POLE: variants seen among roughly 807,000 people sequenced by gnomAD.
POLE encodes the protein DNA polymerase epsilon, catalytic subunit.
POLE carries 188 observed loss-of-function variants against 279.2 expected under a neutral mutation model. The observed-to-expected ratio is 0.67, with a 90% CI of 0.60 to 0.76. The LOEUF is 0.76. Ranked by LOEUF, POLE falls within the 30% of genes least tolerant of loss-of-function variation. POLE has a pLI of 0.00. For missense variants in POLE, 2,703 were observed against 3,016.7 expected (o/e 0.90, Z 2.44); for synonymous variants, 1,214 against 1,172.5 (o/e 1.04, Z -0.72).
In POLE at chr12:132,643,279, A is replaced by C. The variant is rs2042196299; in HGVS notation, c.4496T>G (p.Leu1499Arg). Residue 1499 changes from leucine (L) to arginine (R), a missense_variant, in exon 35 of 49, where the codon CTC becomes CGC. Around this residue, in one of 5 missense-constraint regions of POLE, gnomAD observed 1,551 missense variants for 1,686.1 expected, o/e 0.92. Transcript: ENST00000320574. ...LYHHAQAHKA[L>R]FGIFIPSQRR... is the part of the protein sequence containing the mutation. ...CTGTGAGGGGATGAAGATCCCGAAG[A>C]GCGCTTTGTGGGCCTGTGCGTGGTG... 1.2e-6 allele frequency: 2 copies of C among 1,613,946 alleles called. No individual in the cohort carries two copies. The highest frequency in any genetic ancestry group is 4.5e-5 in the East Asian group (2 of 44,884).
At chr12:132,683,658 A>T (rs1330421913) in intron 1 of POLE, among the ~76,000 whole-genome samples, 1 of 152,266 alleles carries the variant, frequency 6.6e-6, no homozygotes, top group African/African-American at 2.4e-5. Flanking sequence ...CCAGATCTTT[A>T]TCAAAATCAA....
intron 29 of POLE, among the ~76,000 whole-genome samples, chr12:132,653,095 A>T (rs1464233898): frequency 6.6e-6 from 1 of 152,194 alleles, no homozygotes; most frequent in African/African-American, 2.4e-5. Flanking sequence ...AAAGTTGTGT[A>T]TAGGCCAGGC....
rs1060500866 is a variant in POLE at position 132,642,176 on chromosome 12, C to G, written c.5173+1G>C. 1 of 1,550,396 alleles carries G rather than the reference C, an allele frequency of 6.4e-7. No homozygotes were observed. Among genetic ancestry groups the G allele is most frequent in the African/African-American group, 1.4e-5 (1 of 72,920 alleles). On this transcript the variant is annotated splice_donor_variant, in intron 38 of 48. Coordinates refer to ENST00000320574, the MANE Select transcript of POLE (RefSeq NM_006231.4). LOFTEE classifies it high-confidence loss of function. ...TGGGCCTCGTCCTCCCGCCCACTTA[C>G]CTGTGGAGTAACAGCCTGAACTGTT...
At position 132,624,819 on chromosome 12, in the gene POLE, A is replaced by G; in HGVS notation, c.6748-9T>C. 1 of 1,603,364 alleles carries G rather than the reference A, an allele frequency of 6.2e-7. No individual in the cohort carries two copies. Among genetic ancestry groups the G allele is most frequent in the Non-Finnish European group, 8.5e-7 (1 of 1,170,192 alleles). Reference sequence around the variant, plus strand: ...ATCTGTTCCATGAAGACCTGCAGGAATAAACAGGCACAGTGAGACCCCAGT... The same window carrying G: ...ATCTGTTCCATGAAGACCTGCAGGAGTAAACAGGCACAGTGAGACCCCAGT... On this transcript the variant is annotated splice_polypyrimidine_tract_variant and intron_variant, in intron 48 of 48. Transcript: ENST00000320574.
intron 29 of POLE, chr12:132,651,124 C>T (rs1355467846): frequency 6.6e-6 from 1 of 152,186 alleles, no homozygotes; most frequent in East Asian, 1.9e-4. Context: ...GATCCACCCA[C>T]CTCAGCCTTC....
chr12:132,646,808 C>A (rs1490955132), intron 32 of POLE, among the ~76,000 whole-genome samples: 1 of 150,824 alleles, frequency 6.6e-6, no homozygotes, highest in South Asian at 2.1e-4. Context: ...TCCAGCCGGG[C>A]AACAGGAGAG....
At chr12:132,656,969 ACACT>A (rs2042555142) in intron 29 of POLE, among the ~76,000 whole-genome samples, 163 bp downstream of exon 29, 1 of 152,222 alleles carries the variant, frequency 6.6e-6, no homozygotes, top group African/African-American at 2.4e-5. Flanking sequence ...CAAAAGAGTG[ACACT>A]CAGAGTTAGA....
At position 132,661,630 on chromosome 12, in the gene POLE, A is replaced by G. The variant is rs2135949115; in HGVS notation, c.2761T>C (p.Tyr921His). The change falls in exon 24 of 49, where the codon TAC becomes CAC. Residue 921 changes from tyrosine (Y) to histidine (H), a missense_variant. Tyr to His is a moderately conservative substitution (Grantham distance 83). Transcript: ENST00000320574. The surrounding 1 kb of genome is among the most constrained non-coding windows in gnomAD (Gnocchi z 4.1). ...ATGCTGTTCTCTGAGCGGGTGACGT[A>G]GGTGAGTGAGGACGGCTCAGCCAGC... ...QELAEPSSLT[Y>H]VTRSENSIFF... 6.2e-7 allele frequency: 1 copy of G among 1,614,192 alleles called. No individual in the cohort carries two copies.
intron 32 of POLE, among the ~76,000 whole-genome samples, chr12:132,645,974 T>C (rs1226561463): frequency 6.6e-6 from 1 of 152,144 alleles, no homozygotes; most frequent in African/African-American, 2.4e-5. Flanking sequence ...CAACATAACC[T>C]CTCAACGAGG....
At position 132,625,485 on chromosome 12, in the gene POLE, ACAGTCCAT is replaced by A. The variant is rs1258697055; in HGVS notation, c.6657+152_6657+159del. ...CAGGTGCTCAACCAGTGTGGACAGAACAGTCCATCAGGCTCAGGGCATGGACTGGTCTG... is the reference window on the plus strand; with the variant it reads ...CAGGTGCTCAACCAGTGTGGACAGAACAGGCTCAGGGCATGGACTGGTCTG... On this transcript the variant is annotated intron_variant, in intron 47 of 48. Coordinates refer to ENST00000320574, the MANE Select transcript of POLE (RefSeq NM_006231.4). The A allele has an allele frequency of 3.3e-6, 3 of 920,448 alleles. No homozygotes were observed. In the African/African-American group the frequency reaches 4.8e-5, roughly 15 times the overall value. 57.0% of individuals were successfully genotyped at this position (920,448 alleles called of 1,614,324 possible).
In POLE at chr12:132,661,946, A is replaced by G. The variant is rs185967713; in HGVS notation, c.2707-262T>C. Among the ~76,000 whole-genome samples, 3 of 152,344 alleles carry G rather than the reference A, an allele frequency of 2.0e-5. No individual in the cohort carries two copies. Among genetic ancestry groups the G allele is most frequent in the Non-Finnish European group, 4.4e-5 (3 of 68,028 alleles). On this transcript the variant is annotated intron_variant, in intron 23 of 48. Coordinates refer to ENST00000320574, the MANE Select transcript of POLE (RefSeq NM_006231.4). This position sits in a 1 kb window ranked among gnomAD's most constrained non-coding sequence, Gnocchi z 4.1. ...TTTACATGACATTTTCGACAAAGCAAAATTATAGTACAAAAAACACATTGT... is the reference window on the plus strand; with the variant it reads ...TTTACATGACATTTTCGACAAAGCAGAATTATAGTACAAAAAACACATTGT...
At chr12:132,676,070 G>T in intron 10 of POLE, 24 bp downstream of exon 10, 1 of 1,478,976 alleles carries the variant, frequency 6.8e-7, no homozygotes, top group African/African-American at 1.4e-5. Context: ...ATACCGGGTA[G>T]TTTCCCAAGT....
Position 132,633,007 on chromosome 12 carries a change from T to C in POLE, c.6005-212A>G, listed in dbSNP as rs5745020. 0.62 allele frequency: 347,271 copies of C among 555,968 alleles called. 110,432 individuals carry two copies. The highest frequency in any genetic ancestry group is 0.8 in the East Asian group (25,875 of 32,170). The allele number at this position is 555,968 out of a possible 1,614,324, so 34.4% of individuals were successfully genotyped here. ...GAACACTCGCTGACACCTGAGTTCATTGTCAGAGAGAAAACTGTATAAATG... is the reference window on the plus strand; with the variant it reads ...GAACACTCGCTGACACCTGAGTTCACTGTCAGAGAGAAAACTGTATAAATG... On this transcript the variant is annotated intron_variant, in intron 43 of 48. Transcript: ENST00000320574.
In POLE at chr12:132,668,510, G is replaced by A. The variant is rs1168629743; in HGVS notation, c.2027-8C>T. On this transcript the variant is annotated splice_region_variant and splice_polypyrimidine_tract_variant and intron_variant, in intron 18 of 48. Coordinates refer to ENST00000320574, the MANE Select transcript of POLE (RefSeq NM_006231.4). The surrounding 1 kb of genome is among the most constrained non-coding windows in gnomAD (Gnocchi z 4.0). ...CGCTGCGACTGGCTGGCACTGGGAA[G>A]GAGGCAATGGGGGCAAGTTCAAAAG... The A allele has an allele frequency of 3.8e-6, 6 of 1,583,962 alleles. No individual in the cohort carries two copies. The highest frequency in any genetic ancestry group is 5.2e-6 in the Non-Finnish European group (6 of 1,161,470).
rs1593776050 is a variant in POLE at position 132,661,068 on chromosome 12, G to A, written c.2961C>T (p.Ser987=). 2 of 1,613,848 alleles carry A rather than the reference G, an allele frequency of 1.2e-6. No individual in the cohort carries two copies. Among genetic ancestry groups the A allele is most frequent in the African/African-American group, 1.3e-5 (1 of 74,856 alleles). The change falls in exon 25 of 49, where the codon TCC becomes TCT. Residue 987 remains serine (S), a synonymous_variant. Transcript: ENST00000320574. The surrounding 1 kb of genome is among the most constrained non-coding windows in gnomAD (Gnocchi z 4.1). ...CCTTGAGGAAGGCCTCAAACACCGA[G>A]GATTGGAAGATCTTAATCAGCTGCA... ...GELQLIKIFQ[S]SVFEAFLKGS...
rs776702809 is a variant in POLE at position 132,649,704 on chromosome 12, C to T, written c.3768G>A (p.Gly1256=). 10 of 1,614,098 alleles carry T rather than the reference C, an allele frequency of 6.2e-6. No homozygotes were observed. Among genetic ancestry groups the T allele is most frequent in the Non-Finnish European group, 8.5e-6 (10 of 1,180,030 alleles). Reference sequence around the variant, plus strand: ...GGCTGGTTCCCAGGGCGGGAGGCTGCCCCAAGATTTCCTGCCAGGGCACAG... The same window carrying T: ...GGCTGGTTCCCAGGGCGGGAGGCTGTCCCAAGATTTCCTGCCAGGGCACAG... The part of the protein sequence containing the change: ...TPTVPWQEIL[G]QPPALGTSQE... Residue 1256 remains glycine, a synonymous_variant, in exon 30 of 49, where the codon GGG becomes GGA. Coordinates refer to ENST00000320574, the MANE Select transcript of POLE (RefSeq NM_006231.4).
At chr12:132,670,189 G>A (rs2042892506) in intron 16 of POLE, among the ~76,000 whole-genome samples, 1 of 151,546 alleles carries the variant, frequency 6.6e-6, no homozygotes, top group South Asian at 2.1e-4. Context: ...TGGCCAACAT[G>A]GAGAAACCCT....
At chr12:132,644,070 TTCTGGTGCC>T in intron 32 of POLE, 93 bp from the exon 33 acceptor site, 1 of 1,392,432 alleles carries the variant, frequency 7.2e-7, no homozygotes, top group Non-Finnish European at 9.8e-7. Context: ...AGTCCTAGAC[TTCTGGTGCC>T]CCTAGCGACG....
At chr12:132,630,777 G>A (rs5745054) in intron 45 of POLE, among the ~76,000 whole-genome samples, 10 of 152,234 alleles carry the variant, frequency 6.6e-5, no homozygotes, top group East Asian at 1.9e-4. Context: ...AACACAATGC[G>A]ATACCACTAC....
Sources: allele counts gnomAD v4.1 joint callset (sites outside exome capture counted in the v4.1 genomes callset), GRCh38; gene constraint gnomAD v4.1.1; regional missense constraint gnomAD v4.1.1; non-coding constraint Gnocchi (gnomAD v3.1); transcripts MANE v1.5; gene names NCBI Gene and HGNC (gene_info 2026-07-23, HGNC 2026-07-21).